The following ZNHIT6 variants were observed in gnomAD, a reference collection of about 807,000 sequenced individuals.
ZNHIT6 encodes the protein box C/D snoRNA protein 1.
ZNHIT6 carries 45 observed loss-of-function variants against 57.2 expected under a neutral mutation model. The ratio of observed to expected loss-of-function variants is 0.79; its 90% CI spans 0.62 to 1.01. The LOEUF is 1.01. Ranked by LOEUF, ZNHIT6 falls within the 50% of genes least tolerant of loss-of-function variation. The pLI is 0.00. For missense variants in ZNHIT6, 528 were observed against 567.3 expected, an observed-to-expected ratio of 0.93 and a Z score of 0.70; for synonymous variants, 188 against 190.0, an observed-to-expected ratio of 0.99 and a Z score of 0.09.
At chr1:85,702,923 C>A (rs1662577735) in intron 4 of ZNHIT6, among the ~76,000 whole-genome samples, 2 of 152,094 alleles carry the variant, frequency 1.3e-5, no homozygotes, top group Admixed American at 6.5e-5. Flanking sequence ...GAAGAAAGAT[C>A]ACTCAAATAA....
At position 85,652,140 on chromosome 1, in the gene ZNHIT6, G is replaced by A. The variant is rs371670836; in HGVS notation, c.*1918C>T. 5 of 152,080 alleles carry A rather than the reference G, an allele frequency of 3.3e-5. No homozygotes were observed. The highest frequency in any genetic ancestry group is 7.2e-5 in the African/African-American group (3 of 41,422). The allele number at this position is 152,080 out of a possible 1,614,324, so 9.4% of individuals were successfully genotyped here. A position where few individuals can be genotyped will look rare whatever the true frequency, so the allele number is the denominator to read the frequency against. Reference sequence around the variant, plus strand: ...CCAGGTTTCAATTTAAATTCAGAAGGGGGGATGGAACTCAAGACTTTTCTT... The same window carrying A: ...CCAGGTTTCAATTTAAATTCAGAAGAGGGGATGGAACTCAAGACTTTTCTT... On this transcript the variant is annotated 3_prime_UTR_variant, in exon 10 of 10. Coordinates refer to ENST00000370574, the MANE Select transcript of ZNHIT6 (RefSeq NM_017953.4).
At chr1:85,664,637 G>C (rs1426157755) in intron 8 of ZNHIT6, among the ~76,000 whole-genome samples, 1 of 152,102 alleles carries the variant, frequency 6.6e-6, no homozygotes, top group Non-Finnish European at 1.5e-5. Flanking sequence ...GAGGGTGGGA[G>C]GAGGGAAAGG....
intron 1 of ZNHIT6, among the ~76,000 whole-genome samples, chr1:85,707,004 T>G (rs562492198): frequency 6.6e-6 from 1 of 152,212 alleles, no homozygotes; most frequent in African/African-American, 2.4e-5. Context: ...AGAAATGCCA[T>G]GTAACCCATC....
intron 5 of ZNHIT6, among the ~76,000 whole-genome samples, chr1:85,688,988 T>C (rs1334922184): frequency 6.6e-6 from 1 of 152,222 alleles, no homozygotes; most frequent in Non-Finnish European, 1.5e-5. Flanking sequence ...TTCTATTTCA[T>C]GCAACTATAA....
intron 9 of ZNHIT6, 149 bp from the exon 10 acceptor site, chr1:85,654,247 A>G (rs1037707325): frequency 8.3e-6 from 5 of 600,934 alleles, no homozygotes; most frequent in East Asian, 5.9e-5. Flanking sequence ...CAGCTAGGAT[A>G]TACAATTCTG....
Position 85,706,114 on chromosome 1 carries a change from T to G in ZNHIT6, c.879A>C (p.Arg293Ser), listed in dbSNP as rs1030600579. The change falls in exon 4 of 10, where the codon AGA becomes AGC. Residue 293 changes from arginine to serine, a missense_variant. Transcript: ENST00000370574. ...DVARTADHISRDAFLKRPISN... is the reference protein window; with the variant it reads ...DVARTADHISSDAFLKRPISN... Reference sequence around the variant, plus strand: ...TTATTGGTCTCTTCAAAAAAGCATCTCTAGAAATATGGTCCGCTGTTCTTG... The same window carrying G: ...TTATTGGTCTCTTCAAAAAAGCATCGCTAGAAATATGGTCCGCTGTTCTTG... 6 of 1,613,798 alleles carry G rather than the reference T, an allele frequency of 3.7e-6. No homozygotes were observed. The highest frequency in any genetic ancestry group is 5.1e-6 in the Non-Finnish European group (6 of 1,179,880).
At chr1:85,656,763 C>T (rs1661071591) in intron 9 of ZNHIT6, among the ~76,000 whole-genome samples, 1 of 151,998 alleles carries the variant, frequency 6.6e-6, no homozygotes, top group South Asian at 2.1e-4. Context: ...ATCATGTTTG[C>T]TAACTAAAAT....
intron 5 of ZNHIT6, among the ~76,000 whole-genome samples, chr1:85,700,274 A>G (rs922878918): frequency 6.6e-6 from 1 of 152,226 alleles, no homozygotes; most frequent in African/African-American, 2.4e-5. Context: ...CAACTCTACA[A>G]GGTAGCTATC....
chr1:85,680,829 G>C lies in ZNHIT6; in HGVS notation c.1088+7C>G. 6.2e-7 allele frequency: 1 copy of C among 1,604,872 alleles called. No individual in the cohort carries two copies. The highest frequency in any genetic ancestry group is 8.5e-7 in the Non-Finnish European group (1 of 1,174,086). Reference sequence around the variant, plus strand: ...ACAAATCAGTGATTGAAAGATAGCAGTGATACCTTTTTTCTATGTACTCAG... The same window carrying C: ...ACAAATCAGTGATTGAAAGATAGCACTGATACCTTTTTTCTATGTACTCAG... On this transcript the variant is annotated splice_region_variant and intron_variant, in intron 6 of 9. Transcript: ENST00000370574.
chr1:85,682,986 G>A (rs933618714), intron 5 of ZNHIT6, among the ~76,000 whole-genome samples: 1 of 152,230 alleles, frequency 6.6e-6, no homozygotes, highest in Non-Finnish European at 1.5e-5. Flanking sequence ...GGAGGCCAAG[G>A]TGGGCGCATC....
chr1:85,673,616 C>T (rs956271614), intron 8 of ZNHIT6, among the ~76,000 whole-genome samples: 1 of 152,170 alleles, frequency 6.6e-6, no homozygotes, highest in Non-Finnish European at 1.5e-5. Flanking sequence ...AAAGAAACTA[C>T]ATGTTTCTGA....
intron 5 of ZNHIT6, among the ~76,000 whole-genome samples, chr1:85,696,172 T>C (rs1411266038): frequency 1.5e-5 from 2 of 135,118 alleles, no homozygotes; most frequent in Non-Finnish European, 3.3e-5. Flanking sequence ...ATTTATTAAC[T>C]GCATTTTTTT....
In ZNHIT6 at chr1:85,652,171, T is replaced by C. The variant is rs1660928413; in HGVS notation, c.*1887A>G. The C allele has an allele frequency of 6.6e-6, 1 of 152,198 alleles. No individual in the cohort carries two copies. Among genetic ancestry groups the C allele is most frequent in the African/African-American group, 2.4e-5 (1 of 41,458 alleles). The allele number at this position is 152,198 out of a possible 1,614,324, so 9.4% of individuals were successfully genotyped here. On this transcript the variant is annotated 3_prime_UTR_variant, in exon 10 of 10. Coordinates refer to ENST00000370574, the MANE Select transcript of ZNHIT6 (RefSeq NM_017953.4). ...TGGAACTCAAGACTTTTCTTGGAAA[T>C]GAGACTACATCATAACAGATTTCAC...
At chr1:85,678,636 T>C (rs1333105887) in intron 7 of ZNHIT6, 65 bp downstream of exon 7, 4 of 1,067,128 alleles carry the variant, frequency 3.7e-6, no homozygotes, top group Non-Finnish European at 4.2e-6. Flanking sequence ...TAGTCATGGA[T>C]GACCCTAATA....
At position 85,706,130 on chromosome 1, in the gene ZNHIT6, G is replaced by A. The variant is rs761385511; in HGVS notation, c.863C>T (p.Ala288Val). ...AAAAGCATCTCTAGAAATATGGTCC[G>A]CTGTTCTTGCCACATCTTCCAAAAA... is the stretch of plus-strand genomic sequence containing the variant. The part of the protein sequence containing the change: ...YRFLEDVART[A>V]DHISRDAFLK... Residue 288 changes from alanine to valine, a missense_variant, in exon 4 of 10, where the codon GCG (alanine) becomes GTG (valine). Coordinates refer to ENST00000370574, the MANE Select transcript of ZNHIT6 (RefSeq NM_017953.4). 3.0e-5 allele frequency: 48 copies of A among 1,613,670 alleles called. No individual in the cohort carries two copies. The highest frequency in any genetic ancestry group is 2.0e-4 in the East Asian group (9 of 44,866).
chr1:85,707,651 T>G lies in ZNHIT6; in HGVS notation c.634A>C (p.Lys212Gln). 1 of 1,553,806 alleles carries G rather than the reference T, an allele frequency of 6.4e-7. No individual in the cohort carries two copies. ...TACCTTGACATGGCCAGTTTCCGCT[T>G]GCAGCCCACCGGGTGATTTATCGGA... ...EPPINHPVGCKRKLAMSRCET... is the reference protein window; with the variant it reads ...EPPINHPVGCQRKLAMSRCET... Residue 212 changes from lysine to glutamine, a missense_variant, in exon 1 of 10, where the codon AAG becomes CAG. Coordinates refer to ENST00000370574, the MANE Select transcript of ZNHIT6 (RefSeq NM_017953.4).
intron 8 of ZNHIT6, among the ~76,000 whole-genome samples, chr1:85,661,352 T>C (rs528668537): frequency 2.0e-5 from 3 of 152,210 alleles, no homozygotes; most frequent in Non-Finnish European, 4.4e-5. Flanking sequence ...ATAATGACAG[T>C]ATCACTTCAG....
chr1:85,692,525 C>T (rs574580561), intron 5 of ZNHIT6, among the ~76,000 whole-genome samples: 1 of 152,130 alleles, frequency 6.6e-6, no homozygotes, highest in Non-Finnish European at 1.5e-5. Flanking sequence ...AGAGAAACCA[C>T]AGAGCTGTCA....
At chr1:85,679,481 G>T (rs529416365) in intron 6 of ZNHIT6, among the ~76,000 whole-genome samples, 3 of 150,554 alleles carry the variant, frequency 2.0e-5, no homozygotes, top group South Asian at 4.2e-4. Context: ...TATAATATAG[G>T]AATATGCTAA....
Sources: gnomAD v4.1 joint callset for allele counts (sites outside exome capture counted in the v4.1 genomes callset) on GRCh38, gnomAD v4.1.1 for gene constraint, MANE v1.5 for transcripts, NCBI Gene and HGNC (gene_info 2026-07-23, HGNC 2026-07-21) for gene names.